C2CD5: variants seen among roughly 807,000 people sequenced by gnomAD.
C2CD5 encodes the protein C2 calcium dependent domain containing 5.
Under a neutral mutation model 130.3 loss-of-function variants are expected in C2CD5, and 109 were observed. The ratio of observed to expected loss-of-function variants is 0.84; its 90% confidence interval spans 0.72 to 0.98. The LOEUF is 0.98. Ranked by LOEUF, C2CD5 falls within the 50% of genes least tolerant of loss-of-function variation. C2CD5 has a pLI of 0.00. For synonymous variants in C2CD5, 454 were observed against 429.2 expected (o/e 1.06, Z -0.71); for missense variants, 996 against 1,261.8 (o/e 0.79, Z 3.19).
At chr12:22,479,352 G>A (rs530463613) in intron 14 of C2CD5, among the ~76,000 whole-genome samples, 3 of 151,882 alleles carry the variant, frequency 2.0e-5, no homozygotes, top group Non-Finnish European at 4.4e-5. Flanking sequence ...GGGATTACGG[G>A]CCTGAGTCAC....
chr12:22,460,188 A>G (rs1233488190), intron 22 of C2CD5, among the ~76,000 whole-genome samples: 1 of 152,204 alleles, frequency 6.6e-6, no homozygotes, highest in Admixed American at 6.5e-5. Flanking sequence ...ATTTTCCCTG[A>G]TATTTTTTAT....
chr12:22,523,135 G>A (rs1418094627), intron 7 of C2CD5, among the ~76,000 whole-genome samples: 1 of 152,034 alleles, frequency 6.6e-6, no homozygotes, highest in Non-Finnish European at 1.5e-5. Context: ...GATCACCTGA[G>A]CCTAGAAGGT....
At position 22,469,761 on chromosome 12, in the gene C2CD5, T is replaced by A. The variant is rs184928160; in HGVS notation, c.2481A>T (p.Pro827=). The change falls in exon 22 of 27, where the codon CCA becomes CCT. Residue 827 remains proline, a synonymous_variant. Coordinates refer to ENST00000446597, the MANE Select transcript of C2CD5 (RefSeq NM_001286176.2). ...STDNEELLQF[P]LELCSDSLPS... Reference sequence around the variant, plus strand: ...GAAGTGAATCTGAACACAGTTCCAGTGGAAATTGTAAAAGTTCTTCATTAT... The same window carrying A: ...GAAGTGAATCTGAACACAGTTCCAGAGGAAATTGTAAAAGTTCTTCATTAT... 3 of 1,605,638 alleles carry A rather than the reference T, an allele frequency of 1.9e-6. No homozygotes were observed. In the East Asian group the frequency reaches 6.8e-5, roughly 37 times the overall value.
At chr12:22,452,088 T>G (rs1441536021) in intron 26 of C2CD5, among the ~76,000 whole-genome samples, 1 of 152,070 alleles carries the variant, frequency 6.6e-6, no homozygotes, top group Non-Finnish European at 1.5e-5. Flanking sequence ...TTGTATAAAT[T>G]TAACACTGGG....
At position 22,507,103 on chromosome 12, in the gene C2CD5, C is replaced by T. The variant is rs1247287005; in HGVS notation, c.1039-284G>A. On this transcript the variant is annotated intron_variant, in intron 9 of 26. Coordinates refer to ENST00000446597, the MANE Select transcript of C2CD5 (RefSeq NM_001286176.2). ...CAATTTAAGATATTTGAAACACACT[C>T]TTCCTTCCTCTGAATCTCCAACTCT... The T allele has an allele frequency of 1.5e-5, 4 of 259,692 alleles. 1 individual carries two copies. In the South Asian group the frequency reaches 1.7e-4, roughly 11 times the overall value. The allele number at this position is 259,692 out of a possible 1,614,324, so 16.1% of individuals were successfully genotyped here. A position where few individuals can be genotyped will look rare whatever the true frequency, so the allele number is the denominator to read the frequency against.
chr12:22,480,331 A>G (rs1431479761), intron 14 of C2CD5, among the ~76,000 whole-genome samples: 3 of 152,186 alleles, frequency 2.0e-5, no homozygotes, highest in Non-Finnish European at 4.4e-5. Flanking sequence ...ATAATATCAC[A>G]TTCCTTCTAG....
chr12:22,478,402 C>T lies in C2CD5; in HGVS notation c.1813G>A (p.Gly605Ser). The change falls in exon 15 of 27, where the codon GGC (glycine) becomes AGC (serine). Residue 605 changes from glycine (G) to serine (S), a missense_variant. This residue lies in a region of C2CD5 where 590 missense variants were observed against 631.4 expected (regional missense o/e 0.93). Coordinates refer to ENST00000446597, the MANE Select transcript of C2CD5 (RefSeq NM_001286176.2). Reference protein sequence around the residue: ...IQIAGKTPNDGSYEQHISHMQ... With the variant: ...IQIAGKTPNDSSYEQHISHMQ... ...TGAGAGATGTGTTGTTCATATGAGCCATCATTAGGAGTCTTCCCAGCAATC... is the reference window on the plus strand; with the variant it reads ...TGAGAGATGTGTTGTTCATATGAGCTATCATTAGGAGTCTTCCCAGCAATC... 1.2e-6 allele frequency: 2 copies of T among 1,612,820 alleles called. No individual in the cohort carries two copies. Among genetic ancestry groups the T allele is most frequent in the Non-Finnish European group, 8.5e-7 (1 of 1,178,936 alleles).
intron 12 of C2CD5, among the ~76,000 whole-genome samples, chr12:22,487,261 A>G (rs1189650988): frequency 6.6e-6 from 1 of 152,234 alleles, no homozygotes; most frequent in Non-Finnish European, 1.5e-5. Flanking sequence ...CATCAGAGTG[A>G]ACAGGCAACC....
chr12:22,525,786 T>C, intron 4 of C2CD5, 81 bp from the exon 5 acceptor site: 1 of 755,630 alleles, frequency 1.3e-6, no homozygotes, highest in Non-Finnish European at 2.3e-6. Flanking sequence ...TAATGCTAAA[T>C]AATGATTTTA....
In C2CD5 at chr12:22,482,593, C is replaced by G; in HGVS notation, c.1701G>C (p.Gln567His). The G allele has an allele frequency of 6.2e-7, 1 of 1,613,850 alleles. No homozygotes were observed. Among genetic ancestry groups the G allele is most frequent in the Non-Finnish European group, 8.5e-7 (1 of 1,179,864 alleles). The change falls in exon 14 of 27, where the codon CAG (glutamine) becomes CAC (histidine). Residue 567 changes from glutamine (Q) to histidine (H), a missense_variant. This residue lies in a region of C2CD5 where 590 missense variants were observed against 631.4 expected (regional missense o/e 0.93). Coordinates refer to ENST00000446597, the MANE Select transcript of C2CD5 (RefSeq NM_001286176.2). ...GMNALFGLRI[Q>H]ITVGENMLMG... is the part of the protein sequence containing the mutation. ...TCAACATATTTTCACCCACTGTGAT[C>G]TGAATTCTTAGTCCAAACAAAGCAT...
Position 22,470,903 on chromosome 12 carries a change from G to T in C2CD5, c.2367C>A (p.Val789=). Residue 789 remains valine, a synonymous_variant, in exon 21 of 27, where the codon GTC becomes GTA. Coordinates refer to ENST00000446597, the MANE Select transcript of C2CD5 (RefSeq NM_001286176.2). ...TGTCAAAAGTGATTGCGACTGCCGT[G>T]ACTGTAACCTAGAATTATAAAAACA... ...LPEDELIQVT[V]TAVAITFDKN... is the part of the protein sequence containing the mutation. 2 of 1,607,628 alleles carry T rather than the reference G, an allele frequency of 1.2e-6. No homozygotes were observed. The highest frequency in any genetic ancestry group is 1.1e-5 in the South Asian group (1 of 90,804).
At chr12:22,489,236 G>A (rs1306615404) in intron 12 of C2CD5, among the ~76,000 whole-genome samples, 1 of 151,616 alleles carries the variant, frequency 6.6e-6, no homozygotes, top group Non-Finnish European at 1.5e-5. Flanking sequence ...GAAGTAAATA[G>A]GCACACTGTG....
intron 9 of C2CD5, among the ~76,000 whole-genome samples, chr12:22,511,882 TGAAAAAC>T (rs1299434456): frequency 6.6e-6 from 1 of 152,114 alleles, no homozygotes; most frequent in African/African-American, 2.4e-5. Context: ...ATTCCTCTTG[TGAAAAAC>T]TCTGTAGAGA....
intron 11 of C2CD5, 86 bp from the exon 12 acceptor site, chr12:22,490,304 T>C: frequency 2.2e-6 from 2 of 893,752 alleles, no homozygotes; most frequent in South Asian, 1.6e-5. Flanking sequence ...ATTATAACAG[T>C]GACAATTTAA....
chr12:22,526,289 T>C (rs11046458), intron 4 of C2CD5, among the ~76,000 whole-genome samples: 1 of 152,298 alleles, frequency 6.6e-6, no homozygotes, highest in East Asian at 1.9e-4. Flanking sequence ...ATGATTATGG[T>C]GACAACATTT....
chr12:22,458,107 G>T (rs1210067637), intron 24 of C2CD5, among the ~76,000 whole-genome samples: 2 of 151,980 alleles, frequency 1.3e-5, no homozygotes, highest in Non-Finnish European at 2.9e-5. Context: ...TATTAGTTTA[G>T]CCCTCTGCAT....
rs1947386362 is a variant in C2CD5, at chr12:22,498,900, T to G, written c.1148-5563A>C. Among the ~76,000 whole-genome samples, 6 of 152,160 alleles carry G rather than the reference T, an allele frequency of 3.9e-5. No homozygotes were observed. In the South Asian group the frequency reaches 1.2e-3, roughly 32 times the overall value. On this transcript the variant is annotated intron_variant, in intron 10 of 26. Coordinates refer to ENST00000446597, the MANE Select transcript of C2CD5 (RefSeq NM_001286176.2). ...ATACCACGCTATATAACTTCTTTAC[T>G]TCTTCTTGCCACTTCCTGAAAAAAA... is the stretch of plus-strand genomic sequence containing the variant.
chr12:22,515,284 C>G (rs1949604653), intron 8 of C2CD5: 1 of 185,376 alleles, frequency 5.4e-6, no homozygotes. Flanking sequence ...TTACACTAAG[C>G]AAATGAGAAG....
At chr12:22,542,357 A>G (rs1338325965) in intron 2 of C2CD5, among the ~76,000 whole-genome samples, 2 of 152,256 alleles carry the variant, frequency 1.3e-5, no homozygotes, top group Non-Finnish European at 2.9e-5. Context: ...GGCTGCAGTG[A>G]CCTGCATTCA....
Sources: gnomAD v4.1 joint callset for allele counts (sites outside exome capture counted in the v4.1 genomes callset) on GRCh38, gnomAD v4.1.1 for gene constraint, gnomAD v4.1.1 regional missense constraint, MANE v1.5 for transcripts, NCBI Gene and HGNC (gene_info 2026-07-23, HGNC 2026-07-21) for gene names.